Variants in CSMD1 observed in about 807,000 individuals in gnomAD.
The protein encoded by CSMD1 is CUB and sushi domain-containing protein 1.
A neutral mutation model predicts 417.5 loss-of-function variants in CSMD1; 213 were observed. The ratio of observed to expected loss-of-function variants is 0.51; its 90% CI spans 0.46 to 0.57. The LOEUF (loss-of-function observed/expected upper bound fraction) is 0.57. CSMD1 is among the 20% of genes least tolerant of loss of function. The pLI is 0.00. For missense variants in CSMD1, 6,923 were observed against 4,529.7 expected (o/e 1.53, Z -15.17); for synonymous variants, 2,862 against 1,736.8 (o/e 1.65, Z -16.11).
At chr8:4,035,303 G>A (rs1411433346) in intron 3 of CSMD1, among the ~76,000 whole-genome samples, 1 of 152,130 alleles carries the variant, frequency 6.6e-6, no homozygotes, top group African/African-American at 2.4e-5. Flanking sequence ...CACTGCATAT[G>A]CTTGATGATA....
intron 6 of CSMD1, among the ~76,000 whole-genome samples, chr8:3,720,226 C>G (rs986253190): frequency 1.3e-5 from 2 of 152,130 alleles, no homozygotes; most frequent in Admixed American, 1.3e-4. Flanking sequence ...TGGAAACATG[C>G]CACGTCATCT....
chr8:3,576,757 A>T (rs1179044621), intron 9 of CSMD1, among the ~76,000 whole-genome samples: 1 of 152,222 alleles, frequency 6.6e-6, no homozygotes, highest in Admixed American at 6.5e-5. Context: ...AGTCTGTTTT[A>T]ATGAGCTGTT....
intron 3 of CSMD1, among the ~76,000 whole-genome samples, chr8:4,183,047 T>C (rs1012916286): frequency 3.9e-5 from 6 of 152,190 alleles, no homozygotes; most frequent in Non-Finnish European, 8.8e-5. Flanking sequence ...GATTGTGTTA[T>C]ATGCACAGAT....
At chr8:4,710,305 T>C (rs981662626) in intron 1 of CSMD1, among the ~76,000 whole-genome samples, 1 of 151,342 alleles carries the variant, frequency 6.6e-6, no homozygotes, top group Admixed American at 6.6e-5. Flanking sequence ...TATATGTGTA[T>C]ACATTTAAAC....
chr8:4,134,047 A>C lies in CSMD1; in HGVS notation c.416-101948T>G, dbSNP rs544816092. Among the ~76,000 whole-genome samples the C allele has an allele frequency of 4.6e-5, 7 of 152,348 alleles. No homozygotes were observed. The South Asian group carries it at 1.4e-3, about 32-fold the overall frequency. On this transcript the variant is annotated intron_variant, in intron 3 of 69. Transcript: ENST00000635120. The stretch of plus-strand genomic sequence containing the variant: ...TTTTTTTAAACATTTAAATGAGATT[A>C]GCTATTAATAAAGATTAATTGCTAT...
chr8:4,228,805 T>G (rs1801524126), intron 3 of CSMD1, among the ~76,000 whole-genome samples: 1 of 152,090 alleles, frequency 6.6e-6, no homozygotes, highest in Non-Finnish European at 1.5e-5. Flanking sequence ...TGCTTCTGCA[T>G]CCCAAGTAGC....
chr8:4,565,983 G>T (rs1033683721), intron 2 of CSMD1, among the ~76,000 whole-genome samples: 1 of 151,240 alleles, frequency 6.6e-6, no homozygotes, highest in African/African-American at 2.4e-5. Flanking sequence ...CTATATTTGG[G>T]TCTATTGAAC....
intron 6 of CSMD1, among the ~76,000 whole-genome samples, chr8:3,749,270 C>G (rs982559495): frequency 2.0e-5 from 3 of 152,192 alleles, no homozygotes; most frequent in Non-Finnish European, 4.4e-5. Context: ...ATCTTACATT[C>G]AACCACAGCC....
At chr8:4,263,875 A>C (rs1804055054) in intron 3 of CSMD1, among the ~76,000 whole-genome samples, 1 of 152,214 alleles carries the variant, frequency 6.6e-6, no homozygotes, top group Non-Finnish European at 1.5e-5. Context: ...TTTTGACCAG[A>C]ATGCTCAGAA....
chr8:3,851,820 G>C lies in CSMD1; in HGVS notation c.819-97778C>G, dbSNP rs538461324. ...GTAGAACACGTGGTTCTAAGGATGAGAGACTGAGGGCGCCAGGAGGGTCGG... is the reference window on the plus strand; with the variant it reads ...GTAGAACACGTGGTTCTAAGGATGACAGACTGAGGGCGCCAGGAGGGTCGG... On this transcript the variant is annotated intron_variant, in intron 5 of 69. Coordinates refer to ENST00000635120, the MANE Select transcript of CSMD1 (RefSeq NM_033225.6). Among the ~76,000 whole-genome samples, 447 of 152,290 alleles carry C rather than the reference G, an allele frequency of 2.9e-3. 3 individuals carry two copies. Among genetic ancestry groups the C allele is most frequent in the African/African-American group, 0.01 (436 of 41,566 alleles).
intron 7 of CSMD1, among the ~76,000 whole-genome samples, chr8:3,666,301 G>A (rs773040015): frequency 1.2e-4 from 18 of 152,122 alleles, no homozygotes; most frequent in Non-Finnish European, 2.1e-4. Context: ...TGTGAGAACC[G>A]ATGTGAAGAA....
chr8:3,660,263 C>A (rs1259187080), intron 7 of CSMD1, among the ~76,000 whole-genome samples: 1 of 152,130 alleles, frequency 6.6e-6, no homozygotes, highest in Non-Finnish European at 1.5e-5. Context: ...TGTATACATT[C>A]TTTGCCTATG....
intron 1 of CSMD1, among the ~76,000 whole-genome samples, chr8:4,939,431 C>A (rs911561407): frequency 6.6e-6 from 1 of 152,124 alleles, no homozygotes; most frequent in Non-Finnish European, 1.5e-5. Flanking sequence ...GATAAAGAAA[C>A]GTAATCTATA....
intron 5 of CSMD1, among the ~76,000 whole-genome samples, chr8:3,774,332 C>G (rs1411903935): frequency 2.0e-5 from 3 of 152,086 alleles, no homozygotes; most frequent in Non-Finnish European, 4.4e-5. Context: ...TACACAGTGC[C>G]TGAGGTGTTA....
chr8:4,753,356 G>A (rs906262220), intron 1 of CSMD1, among the ~76,000 whole-genome samples: 1 of 150,464 alleles, frequency 6.6e-6, no homozygotes, highest in South Asian at 2.1e-4. Flanking sequence ...TCATTTTGTC[G>A]ATATTGTAAG....
At chr8:3,332,679 G>C (rs374858310) in intron 23 of CSMD1, among the ~76,000 whole-genome samples, 1 of 151,744 alleles carries the variant, frequency 6.6e-6, no homozygotes, top group Admixed American at 6.5e-5. Flanking sequence ...GTGCGTGCAT[G>C]TGTGCGTGCG....
intron 52 of CSMD1, 75 bp from the exon 53 acceptor site, chr8:3,000,206 ATCAAG>A: frequency 9.2e-7 from 1 of 1,089,338 alleles, no homozygotes; most frequent in South Asian, 2.1e-5. Context: ...AACTTTTATT[ATCAAG>A]TCAATAACAG....
intron 1 of CSMD1, among the ~76,000 whole-genome samples, chr8:4,800,401 G>C (rs554229806): frequency 7.6e-5 from 11 of 145,312 alleles, no homozygotes; most frequent in African/African-American, 2.6e-4. Context: ...TCACGCCACT[G>C]TACTCCAGGC....
At chr8:4,799,826 G>A (rs928746416) in intron 1 of CSMD1, among the ~76,000 whole-genome samples, 21 of 151,846 alleles carry the variant, frequency 1.4e-4, no homozygotes, top group African/African-American at 3.9e-4. Flanking sequence ...ATAAGTATTA[G>A]AATGCTCTTT....
Sources: allele counts gnomAD v4.1 joint callset (sites outside exome capture counted in the v4.1 genomes callset), GRCh38; gene constraint gnomAD v4.1.1; transcripts MANE v1.5; gene names NCBI Gene and HGNC (gene_info 2026-07-23, HGNC 2026-07-21).